Variants in NOL6 observed in about 807,000 individuals in gnomAD.
NOL6 encodes the protein nucleolar RNA-associated protein.
NOL6 carries 33 observed loss-of-function variants against 131.7 expected under a neutral mutation model. That is an observed-to-expected ratio of 0.25 (90% confidence interval 0.19 to 0.33). The LOEUF is 0.33. Ranked by LOEUF, NOL6 falls within the 10% of genes least tolerant of loss-of-function variation. The probability of loss-of-function intolerance (pLI) is 1.00; values close to 1 mark genes in which losing one functional copy is unlikely to be tolerated. For missense variants in NOL6, 1,297 were observed against 1,494.5 expected, an observed-to-expected ratio of 0.87 and a Z score of 2.18; for synonymous variants, 580 against 605.7, an observed-to-expected ratio of 0.96 and a Z score of 0.62.
rs902674146 is a variant in NOL6 at position 33,462,471 on chromosome 9, T to G, written c.*193A>C. The G allele has an allele frequency of 7.7e-6, 5 of 650,378 alleles. No homozygotes were observed. The African/African-American group carries it at 9.1e-5, about 12-fold the overall frequency. 40.3% of individuals were successfully genotyped at this position (650,378 alleles called of 1,614,324 possible). A position where few individuals can be genotyped will look rare whatever the true frequency, so the allele number is the denominator to read the frequency against. On this transcript the variant is annotated 3_prime_UTR_variant, in exon 26 of 26. Transcript: ENST00000297990. ...GCCCAGGAGACTACATGGGCCACCA[T>G]GCCCCTGCCCCAATGCTGGAGCATC...
At chr9:33,465,126 T>C (rs995580257) in intron 20 of NOL6, 81 bp downstream of exon 20, 19 of 1,521,286 alleles carry the variant, frequency 1.2e-5, no homozygotes, top group South Asian at 9.9e-5. Flanking sequence ...CCCATTCCCA[T>C]GTAGACTTAG....
Position 33,462,633 on chromosome 9 carries a change from T to TAG in NOL6, c.*30_*31insCT. 1 of 1,611,826 alleles carries TAG rather than the reference T, an allele frequency of 6.2e-7. No individual in the cohort carries two copies. The highest frequency in any genetic ancestry group is 8.5e-7 in the Non-Finnish European group (1 of 1,178,338). ...TTGCTCTAGAGGTCCAATGTCCTGC[T>TAG]GTCCGTCTACAGCTTGCTCCAGAGC... On this transcript the variant is annotated 3_prime_UTR_variant, in exon 26 of 26. Coordinates refer to ENST00000297990, the MANE Select transcript of NOL6 (RefSeq NM_022917.5).
rs140712628 is a variant in NOL6, at chr9:33,472,361, A to G, written c.106T>C (p.Ser36Pro). ...GGTTCAGCCAATGTACGCTTCCTGGAGGATGCTTTCTTCCCCTCTTTGCCT... is the reference window on the plus strand; with the variant it reads ...GGTTCAGCCAATGTACGCTTCCTGGGGGATGCTTTCTTCCCCTCTTTGCCT... ...GTGKEGKKASSRKRTLAEPPA... is the reference protein window; with the variant it reads ...GTGKEGKKASPRKRTLAEPPA... The change falls in exon 2 of 26, where the codon TCC becomes CCC. Residue 36 changes from serine (S) to proline (P), a missense_variant. Coordinates refer to ENST00000297990, the MANE Select transcript of NOL6 (RefSeq NM_022917.5). 5.6e-6 allele frequency: 9 copies of G among 1,614,046 alleles called. No homozygotes were observed. The African/African-American group carries it at 1.1e-4, about 19-fold the overall frequency.
intron 4 of NOL6, 47 bp from the exon 5 acceptor site, chr9:33,469,714 T>C (rs1250955147): frequency 5.7e-6 from 9 of 1,583,580 alleles, no homozygotes; most frequent in African/African-American, 2.7e-5. Context: ...TAAGTGCTTG[T>C]GGAGCTGTGG....
intron 25 of NOL6, 53 bp from the exon 26 acceptor site, chr9:33,462,866 A>G: frequency 1.2e-6 from 2 of 1,606,572 alleles, no homozygotes; most frequent in South Asian, 1.1e-5. Flanking sequence ...GCACACCCAG[A>G]GACACCAAGC....
chr9:33,467,142 G>A lies in NOL6; in HGVS notation c.1846C>T (p.His616Tyr). ...ASMSQKRLIP[H>Y]QVVTHLLALH... ...GCCAAGAGGTGGGTGACCACCTGGTGGGGAATAAGGCGCTTCTGGGACATA... is the reference window on the plus strand; with the variant it reads ...GCCAAGAGGTGGGTGACCACCTGGTAGGGAATAAGGCGCTTCTGGGACATA... Residue 616 changes from histidine to tyrosine, a missense_variant, in exon 14 of 26, where the codon CAC becomes TAC. By Grantham distance (83) the His-to-Tyr change is moderately conservative. Transcript: ENST00000297990. This position sits in a 1 kb window ranked among gnomAD's most constrained non-coding sequence, Gnocchi z 4.4. 6.2e-7 allele frequency: 1 copy of A among 1,614,210 alleles called. No homozygotes were observed. The highest frequency in any genetic ancestry group is 8.5e-7 in the Non-Finnish European group (1 of 1,180,040).
chr9:33,463,206 G>A (rs775559224), intron 24 of NOL6, 41 bp downstream of exon 24: 1 of 1,610,832 alleles, frequency 6.2e-7, no homozygotes, highest in Non-Finnish European at 8.5e-7. Flanking sequence ...AGCTTCACCT[G>A]GAAGTCCCCT....
At position 33,467,707 on chromosome 9, in the gene NOL6, C is replaced by A. The variant is rs546933819; in HGVS notation, c.1586G>T (p.Arg529Leu). ...GARLNLLAHS[R>L]PPVPEWDISQ... ...CCACCTCACCTCTGGGACTGGGGGT[C>A]GAGAGTGAGCCAGCAGGTTCAGCCG... The change falls in exon 12 of 26, where the codon CGA (arginine) becomes CTA (leucine). Residue 529 changes from arginine (R) to leucine (L), a missense_variant. Coordinates refer to ENST00000297990, the MANE Select transcript of NOL6 (RefSeq NM_022917.5). The surrounding 1 kb of genome is among the most constrained non-coding windows in gnomAD (Gnocchi z 4.4). 1.9e-6 allele frequency: 3 copies of A among 1,569,902 alleles called. No homozygotes were observed. The highest frequency in any genetic ancestry group is 4.5e-5 in the East Asian group (2 of 44,616).
rs752396088 is a variant in NOL6 at position 33,468,162 on chromosome 9, G to A, written c.1309-17C>T. On this transcript the variant is annotated splice_polypyrimidine_tract_variant and intron_variant, in intron 10 of 25. Transcript: ENST00000297990. ...ATGCTGTACCTGGAGCCACAGAAGG[G>A]ACCATCCCTGTGCCCTTCATTGATC... The A allele has an allele frequency of 2.5e-6, 4 of 1,614,148 alleles. No individual in the cohort carries two copies. Among genetic ancestry groups the A allele is most frequent in the African/African-American group, 1.3e-5 (1 of 75,046 alleles).
chr9:33,463,018 C>T lies in NOL6; in HGVS notation c.3291+15G>A, dbSNP rs1827140049. The T allele has an allele frequency of 6.2e-7, 1 of 1,609,244 alleles. No homozygotes were observed. Among genetic ancestry groups the T allele is most frequent in the Non-Finnish European group, 8.5e-7 (1 of 1,176,848 alleles). On this transcript the variant is annotated intron_variant, in intron 25 of 25. Coordinates refer to ENST00000297990, the MANE Select transcript of NOL6 (RefSeq NM_022917.5). Reference sequence around the variant, plus strand: ...TGCACACACTCAGGAACACAGCTGTCACCAGCCAGCACACCTTGAAGGGCT... The same window carrying T: ...TGCACACACTCAGGAACACAGCTGTTACCAGCCAGCACACCTTGAAGGGCT...
chr9:33,472,070 C>T lies in NOL6; in HGVS notation c.312G>A (p.Arg104=). 1 of 1,613,926 alleles carries T rather than the reference C, an allele frequency of 6.2e-7. No homozygotes were observed. Among genetic ancestry groups the T allele is most frequent in the African/African-American group, 1.3e-5 (1 of 75,048 alleles). ...TGACCTCCCGTAGGAAGGCATCAAT[C>T]CGATCCTTCTTCTTCTCTGACAGCC... ...EVRLSEKKKD[R]IDAFLREVNQ... is the part of the protein sequence containing the mutation. Residue 104 remains arginine (R), a synonymous_variant, in exon 3 of 26, where the codon CGG becomes CGA. Coordinates refer to ENST00000297990, the MANE Select transcript of NOL6 (RefSeq NM_022917.5).
rs1827450039 is a variant in NOL6 at position 33,472,806 on chromosome 9, C to G, written c.55-394G>C. 2.6e-5 allele frequency: 7 copies of G among 266,134 alleles called. No individual in the cohort carries two copies. In the South Asian group the frequency reaches 2.9e-4, roughly 11 times the overall value. 16.5% of individuals were successfully genotyped at this position (266,134 alleles called of 1,614,324 possible). On this transcript the variant is annotated intron_variant, in intron 1 of 25. Transcript: ENST00000297990. ...TGGCCAACATGGGGAAACTCCGTCT[C>G]TATTAAAAATACAAAAATTAGCCAG...
Position 33,469,156 on chromosome 9 carries a change from GTC to G in NOL6, c.863-37_863-36del, listed in dbSNP as rs752596915. The G allele has an allele frequency of 1.9e-6, 3 of 1,614,058 alleles. 1 individual carries two copies. The South Asian group carries it at 3.3e-5, about 18-fold the overall frequency. Reference sequence around the variant, plus strand: ...GAAAAGGGAAGCCATGAGAGGAAAAGTCCCCACACCTCTTCCCTCCAGCTCCA... The same window carrying G: ...GAAAAGGGAAGCCATGAGAGGAAAAGCCCACACCTCTTCCCTCCAGCTCCA... On this transcript the variant is annotated intron_variant, in intron 6 of 25. Transcript: ENST00000297990.
rs1358072646 is a variant in NOL6, at chr9:33,463,356, T to A, written c.3080A>T (p.Asp1027Val). 1 of 1,613,158 alleles carries A rather than the reference T, an allele frequency of 6.2e-7. No individual in the cohort carries two copies. Among genetic ancestry groups the A allele is most frequent in the African/African-American group, 1.3e-5 (1 of 74,622 alleles). ...CCGGCAGAAGGAGGCAGCTGGCGAG[T>A]CCACAGCCTGGCGGTGCCGCGGGAT... ...RHIPRHRQAV[D>V]SPAASFCRGL... Residue 1027 changes from aspartate to valine, a missense_variant, in exon 24 of 26, where the codon GAC becomes GTC. Transcript: ENST00000297990.
chr9:33,468,865 C>T lies in NOL6; in HGVS notation c.1034G>A (p.Gly345Asp), dbSNP rs1372677793. The T allele has an allele frequency of 6.2e-7, 1 of 1,614,174 alleles. No homozygotes were observed. Residue 345 changes from glycine (G) to aspartate (D), a missense_variant, in exon 8 of 26, where the codon GGT becomes GAT. Gly to Asp is a moderately conservative substitution (Grantham distance 94, BLOSUM62 -1). Coordinates refer to ENST00000297990, the MANE Select transcript of NOL6 (RefSeq NM_022917.5). Reference protein sequence around the residue: ...LRQRELDKGQGGFTGFLVSML... With the variant: ...LRQRELDKGQDGFTGFLVSML... ...GGAGACAAGGAACCCAGTAAACCCACCCTGGCCCTGAAAGAGACAGGGAGA... is the reference window on the plus strand; with the variant it reads ...GGAGACAAGGAACCCAGTAAACCCATCCTGGCCCTGAAAGAGACAGGGAGA...
rs775923324 is a variant in NOL6 at position 33,470,051 on chromosome 9, T to A, written c.519A>T (p.Arg173=). The part of the protein sequence containing the change: ...VGSYLLGTCI[R]PDINVDVALT... ...GTGCCACATCCACATTGATGTCTGG[T>A]CGGATGCAGGTGCCCAGAAGGTAGC... Residue 173 remains arginine (R), a synonymous_variant, in exon 4 of 26, where the codon CGA becomes CGT. Coordinates refer to ENST00000297990, the MANE Select transcript of NOL6 (RefSeq NM_022917.5). 18 of 1,610,986 alleles carry A rather than the reference T, an allele frequency of 1.1e-5. No individual in the cohort carries two copies. In the Admixed American group the frequency reaches 2.8e-4, roughly 25 times the overall value.
In NOL6 at chr9:33,467,734, GC is replaced by G; in HGVS notation, c.1558del (p.Ala520LeufsTer3). 1.3e-6 allele frequency: 2 copies of G among 1,591,318 alleles called. No homozygotes were observed. The highest frequency in any genetic ancestry group is 1.7e-6 in the Non-Finnish European group (2 of 1,170,576). On this transcript the variant is annotated frameshift_variant, in exon 12 of 26. Coordinates refer to ENST00000297990, the MANE Select transcript of NOL6 (RefSeq NM_022917.5). LOFTEE classifies it high-confidence loss of function. The surrounding 1 kb of genome is among the most constrained non-coding windows in gnomAD (Gnocchi z 4.4). ...AGAGTGAGCCAGCAGGTTCAGCCGA[GC>G]CCCCAGGCCCTGCTCCAGGAGGGTG... ...LTTLLEQGLG[A>X]RLNLLAHSRP...
intron 15 of NOL6, 32 bp downstream of exon 15, chr9:33,466,879 TA>T: frequency 1.2e-6 from 2 of 1,607,590 alleles, no homozygotes; most frequent in Non-Finnish European, 1.7e-6. Flanking sequence ...TTGATTACTC[TA>T]CAATCACTAG....
chr9:33,465,316 C>A lies in NOL6; in HGVS notation c.2572G>T (p.Ala858Ser). The A allele has an allele frequency of 1.9e-6, 3 of 1,591,638 alleles. No homozygotes were observed. The highest frequency in any genetic ancestry group is 2.6e-6 in the Non-Finnish European group (3 of 1,167,886). The change falls in exon 20 of 26, where the codon GCC (alanine) becomes TCC (serine). Residue 858 changes from alanine to serine, a missense_variant. Transcript: ENST00000297990. ...AGCTGGGCACGCACCCACCGCTTGG[C>A]CAGCCGTGCCACACCAGAGAAGGCT... is the stretch of plus-strand genomic sequence containing the variant. ...HPAFSGVARL[A>S]KRWVRAQLLG...
Sources: gnomAD v4.1 joint callset for allele counts on GRCh38, gnomAD v4.1.1 for gene constraint, Gnocchi (gnomAD v3.1) non-coding constraint, MANE v1.5 for transcripts, NCBI Gene and HGNC (gene_info 2026-07-23, HGNC 2026-07-21) for gene names.